Variants in PODNL1 observed in about 807,000 individuals in gnomAD.
The protein encoded by PODNL1 is podocan-like protein 1.
A neutral mutation model predicts 45.1 loss-of-function variants in PODNL1; 50 were observed. That is an observed-to-expected ratio of 1.11 (90% CI 0.88 to 1.40). The LOEUF (loss-of-function observed/expected upper bound fraction) is 1.40, where lower values mean the gene tolerates loss of function less well. Ranked by LOEUF, PODNL1 falls within the 40% of genes most tolerant of loss-of-function variation. The pLI, the probability that PODNL1 is intolerant of heterozygous loss-of-function variation, is 0.00. For synonymous variants in PODNL1, 406 were observed against 372.5 expected, an observed-to-expected ratio of 1.09 and a Z score of -1.04; for missense variants, 788 against 793.3, an observed-to-expected ratio of 0.99 and a Z score of 0.08.
At chr19:13,937,761 C>G in intron 2 of PODNL1, 24 bp downstream of exon 2, 1 of 1,555,524 alleles carries the variant, frequency 6.4e-7, no homozygotes, top group Non-Finnish European at 8.7e-7. Flanking sequence ...CCTGCATGCC[C>G]CCACTCCCCT....
upstream of PODNL1, among the ~76,000 whole-genome samples, chr19:13,943,278 G>A (rs984391293): frequency 2.6e-5 from 4 of 151,036 alleles, no homozygotes; most frequent in African/African-American, 9.8e-5. Flanking sequence ...CCTGGGCAAC[G>A]AGAGTGAAAC....
chr19:13,937,808 C>T lies in PODNL1; in HGVS notation c.202G>A (p.Ala68Thr). 1 of 1,591,444 alleles carries T rather than the reference C, an allele frequency of 6.3e-7. No individual in the cohort carries two copies. Among genetic ancestry groups the T allele is most frequent in the Non-Finnish European group, 8.5e-7 (1 of 1,170,446 alleles). ...LRVFPDNITR[A>T]AQHLSLQNNQ... ...ACCTGCAGGGAGAGGTGCTGAGCGG[C>T]TCTGGTGATGTTGTCCGGGAACACT... is the stretch of plus-strand genomic sequence containing the variant. Residue 68 changes from alanine (A) to threonine (T), a missense_variant, in exon 2 of 10, where the codon GCC (alanine) becomes ACC (threonine). Physicochemically the swap from Ala to Thr is moderately conservative, Grantham distance 58. Transcript: ENST00000588872.
At chr19:13,934,527 GCGCGCGCA>G in intron 5 of PODNL1, 117 bp from the exon 6 acceptor site, 62 of 991,986 alleles carry the variant, frequency 6.3e-5, no homozygotes, top group Non-Finnish European at 7.9e-5. Flanking sequence ...GTGTGTGTGT[GCGCGCGCA>G]TGTGTGGAGT....
At position 13,936,362 on chromosome 19, in the gene PODNL1, C is replaced by G; in HGVS notation, c.319+5G>C. The G allele has an allele frequency of 1.2e-6, 2 of 1,610,732 alleles. No homozygotes were observed. The highest frequency in any genetic ancestry group is 1.7e-6 in the Non-Finnish European group (2 of 1,177,146). ...CAGAGAGGCCGCCTCCCTCTGCCCCCTCACCTTCGGAGGAGATGAGGTTGT... is the reference window on the plus strand; with the variant it reads ...CAGAGAGGCCGCCTCCCTCTGCCCCGTCACCTTCGGAGGAGATGAGGTTGT... On this transcript the variant is annotated splice_donor_5th_base_variant and intron_variant, in intron 3 of 9. Coordinates refer to ENST00000588872, the MANE Select transcript of PODNL1 (RefSeq NM_001370095.3).
chr19:13,952,724 G>T (rs1973116919), intron 1 of PODNL1: 3 of 1,295,106 alleles, frequency 2.3e-6, no homozygotes, highest in African/African-American at 1.6e-5. Context: ...GAGGGCGTTC[G>T]CGGGGTGAGG....
At chr19:13,946,328 G>A (rs1363692520) in intron 1 of PODNL1, among the ~76,000 whole-genome samples, 1 of 151,926 alleles carries the variant, frequency 6.6e-6, no homozygotes, top group Non-Finnish European at 1.5e-5. Flanking sequence ...TACTTGGGAG[G>A]CTGAGGCAGG....
At chr19:13,946,100 A>G (rs1972806616) in intron 1 of PODNL1, among the ~76,000 whole-genome samples, 1 of 152,072 alleles carries the variant, frequency 6.6e-6, no homozygotes, top group African/African-American at 2.4e-5. Flanking sequence ...GATGAGAAAC[A>G]CCATCTTTCT....
intron 1 of PODNL1, among the ~76,000 whole-genome samples, chr19:13,948,197 TCTTTTC>T (rs1362347448): frequency 1.1e-4 from 15 of 140,298 alleles, no homozygotes; most frequent in African/African-American, 4.5e-4. Context: ...TCTTTTCTTT[TCTTTTC>T]TTTTTTTTTT....
intron 8 of PODNL1, 194 bp downstream of exon 8, chr19:13,932,604 C>G: frequency 6.9e-7 from 1 of 1,441,552 alleles, no homozygotes; most frequent in Non-Finnish European, 9.4e-7. Flanking sequence ...GATTCTCCTG[C>G]CTTGGCTCCC....
chr19:13,937,972 C>T lies in PODNL1; in HGVS notation c.38G>A (p.Gly13Glu). The change falls in exon 2 of 10, where the codon GGG becomes GAG. Residue 13 changes from glycine (G) to glutamate (E), a missense_variant. Around this residue, in one of 3 missense-constraint regions of PODNL1, gnomAD observed 762 missense variants for 750.9 expected, o/e 1.01. Transcript: ENST00000588872. ...TTCCAAGCCGGCGACGGGCGGGGGC[C>T]CCGGCAACAGCAGGAGCAGCAGCAG... Reference protein sequence around the residue: ...PSLLLLLLLPGPPPVAGLEDA... With the variant: ...PSLLLLLLLPEPPPVAGLEDA... 1.9e-6 allele frequency: 3 copies of T among 1,541,016 alleles called. No homozygotes were observed. The highest frequency in any genetic ancestry group is 2.6e-6 in the Non-Finnish European group (3 of 1,140,000).
At chr19:13,947,934 C>T (rs757142666) in intron 1 of PODNL1, among the ~76,000 whole-genome samples, 39 of 152,154 alleles carry the variant, frequency 2.6e-4, no homozygotes, top group Non-Finnish European at 4.6e-4. Flanking sequence ...TCATGGCTCA[C>T]TTGCAGCCTT....
chr19:13,936,061 G>A lies in PODNL1; in HGVS notation c.320-17C>T, dbSNP rs544250017. On this transcript the variant is annotated splice_polypyrimidine_tract_variant and intron_variant, in intron 3 of 9. Coordinates refer to ENST00000588872, the MANE Select transcript of PODNL1 (RefSeq NM_001370095.3). ...CAGGCAGGCCTGGGAGAGTAGGGGG[G>A]CAGTGAAGGGACCCCAGGCCTGTCT... 2 of 1,546,362 alleles carry A rather than the reference G, an allele frequency of 1.3e-6. No homozygotes were observed. Among genetic ancestry groups the A allele is most frequent in the South Asian group, 1.2e-5 (1 of 83,968 alleles).
In PODNL1 at chr19:13,937,999, C is replaced by T. The variant is rs1972494962; in HGVS notation, c.11G>A (p.Ser4Asn). The part of the protein sequence containing the change: MWP[S>N]LLLLLLLPGP... ...CGGCAACAGCAGGAGCAGCAGCAGG[C>T]TCGGCCACTGCGGGGGAGGGAGGGT... Residue 4 changes from serine to asparagine, a missense_variant, in exon 2 of 10, where the codon AGC (serine) becomes AAC (asparagine). Around this residue, in one of 3 missense-constraint regions of PODNL1, gnomAD observed 762 missense variants for 750.9 expected, o/e 1.01. Coordinates refer to ENST00000588872, the MANE Select transcript of PODNL1 (RefSeq NM_001370095.3). 6.5e-7 allele frequency: 1 copy of T among 1,530,586 alleles called. No homozygotes were observed. Among genetic ancestry groups the T allele is most frequent in the South Asian group, 1.2e-5 (1 of 82,692 alleles). The allele number at this position is 1,530,586 out of a possible 1,614,324, so 94.8% of individuals were successfully genotyped here.
chr19:13,946,322 T>C (rs1324018661), intron 1 of PODNL1, among the ~76,000 whole-genome samples: 6 of 150,750 alleles, frequency 4.0e-5, no homozygotes, highest in Non-Finnish European at 8.9e-5. Context: ...CCAGCTTACT[T>C]GGGAGGCTGA....
At chr19:13,934,015 G>A in intron 6 of PODNL1, 22 bp from the exon 7 acceptor site, 1 of 1,575,818 alleles carries the variant, frequency 6.3e-7, no homozygotes, top group African/African-American at 1.3e-5. Context: ...AGAAGAGAAT[G>A]AGACTTGAGT....
At position 13,934,293 on chromosome 19, in the gene PODNL1, C is replaced by A. The variant is rs771704870; in HGVS notation, c.612G>T (p.Pro204=). ...SLSNNQLSYL[P]PSLPPSLERL... ...GCTCGAGTGAGGGCGGCAGGCTGGG[C>A]GGCAGGTAGCTGAGCTGGTTGTTGG... The change falls in exon 6 of 10, where the codon CCG becomes CCT. Residue 204 remains proline (P), a synonymous_variant. Coordinates refer to ENST00000588872, the MANE Select transcript of PODNL1 (RefSeq NM_001370095.3). The A allele has an allele frequency of 2.0e-6, 3 of 1,534,800 alleles. No homozygotes were observed. In the South Asian group the frequency reaches 3.8e-5, roughly 20 times the overall value.
In PODNL1 at chr19:13,934,301, A is replaced by G; in HGVS notation, c.604T>C (p.Tyr202His). Residue 202 changes from tyrosine to histidine, a missense_variant, in exon 6 of 10, where the codon TAC becomes CAC. Physicochemically the swap from Tyr to His is moderately conservative, Grantham distance 83. Around this residue, in one of 3 missense-constraint regions of PODNL1, gnomAD observed 762 missense variants for 750.9 expected, o/e 1.01. Transcript: ENST00000588872. ...TLSLSNNQLS[Y>H]LPPSLPPSLE... The stretch of plus-strand genomic sequence containing the variant: ...GAGGGCGGCAGGCTGGGCGGCAGGT[A>G]GCTGAGCTGGTTGTTGGAGAGGCTG... The G allele has an allele frequency of 6.5e-7, 1 of 1,543,224 alleles. No homozygotes were observed. Among genetic ancestry groups the G allele is most frequent in the South Asian group, 1.3e-5 (1 of 79,514 alleles).
chr19:13,953,178 C>A, exon 1 of PODNL1: 1 of 1,511,928 alleles, frequency 6.6e-7, no homozygotes, highest in East Asian at 2.7e-5. Flanking sequence ...AGTCTTCCCC[C>A]GCAGAGTGAG....
intron 3 of PODNL1, 37 bp downstream of exon 3, chr19:13,936,330 A>G (rs1457682685): frequency 2.6e-6 from 4 of 1,560,892 alleles, no homozygotes; most frequent in Admixed American, 1.7e-5. Context: ...GGTCAGTCCT[A>G]CAGCCCCAGA....
Sources: allele counts gnomAD v4.1 joint callset (sites outside exome capture counted in the v4.1 genomes callset), GRCh38; gene constraint gnomAD v4.1.1; regional missense constraint gnomAD v4.1.1; transcripts MANE v1.5; gene names NCBI Gene and HGNC (gene_info 2026-07-23, HGNC 2026-07-21).